NME7: variants seen among roughly 807,000 people sequenced by gnomAD.
NME7 encodes the protein nucleoside diphosphate kinase 7.
NME7 carries 41 observed loss-of-function variants against 49.1 expected under a neutral mutation model. The ratio of observed to expected loss-of-function variants is 0.83; its 90% CI spans 0.65 to 1.08. The LOEUF (loss-of-function observed/expected upper bound fraction) is 1.08. Among genes scored for constraint, NME7 ranks in the 50% least tolerant of loss-of-function variants. The pLI is 0.00. For missense variants in NME7, 423 were observed against 463.4 expected (o/e 0.91, Z 0.80); for synonymous variants, 139 against 150.6 (o/e 0.92, Z 0.56).
chr1:169,172,288 C>CA (rs58058889), intron 10 of NME7, among the ~76,000 whole-genome samples: 58 of 120,336 alleles, frequency 4.8e-4, no homozygotes, highest in East Asian at 1.6e-3. Context: ...TAAAAAAAAA[C>CA]AAAAAAAAAA....
At chr1:169,354,164 A>G (rs1260314965) in intron 1 of NME7, among the ~76,000 whole-genome samples, 1 of 152,272 alleles carries the variant, frequency 6.6e-6, no homozygotes, top group African/African-American at 2.4e-5. Flanking sequence ...CATCTAAAGA[A>G]TGGAAAAGGA....
intron 10 of NME7, among the ~76,000 whole-genome samples, chr1:169,193,597 A>C (rs1231303036): frequency 6.6e-6 from 1 of 152,194 alleles, no homozygotes; most frequent in East Asian, 1.9e-4. Flanking sequence ...TAACATTTGA[A>C]ACTGACAAGC....
chr1:169,196,847 T>A (rs1357551738), intron 10 of NME7, among the ~76,000 whole-genome samples: 1 of 152,158 alleles, frequency 6.6e-6, no homozygotes, highest in Non-Finnish European at 1.5e-5. Flanking sequence ...TAGAATGGTA[T>A]GAAAACTGGA....
intron 10 of NME7, among the ~76,000 whole-genome samples, chr1:169,185,014 C>CT (rs1251958674): frequency 1.1e-4 from 17 of 152,100 alleles, no homozygotes; most frequent in Non-Finnish European, 2.2e-4. Flanking sequence ...ATGCAAAGTG[C>CT]TATAAGGGGA....
intron 1 of NME7, among the ~76,000 whole-genome samples, chr1:169,364,863 C>T (rs1420172456): frequency 6.6e-6 from 1 of 152,088 alleles, no homozygotes; most frequent in Non-Finnish European, 1.5e-5. Context: ...ATGGGAGGGA[C>T]CTAAAATCTG....
intron 10 of NME7, among the ~76,000 whole-genome samples, chr1:169,204,688 A>AAGC (rs1326117870): frequency 2.0e-5 from 3 of 152,018 alleles, no homozygotes; most frequent in African/African-American, 7.3e-5. Context: ...ATCTCTCTTA[A>AAGC]AGCATTTATC....
chr1:169,263,673 A>G (rs1649231445), intron 7 of NME7, among the ~76,000 whole-genome samples: 1 of 133,844 alleles, frequency 7.5e-6, no homozygotes, highest in Non-Finnish European at 1.8e-5. Context: ...CAAGTTGAAA[A>G]ACATATTTCA....
chr1:169,258,403 T>TACACACAC (rs1381228474), intron 7 of NME7, among the ~76,000 whole-genome samples: 6 of 68,668 alleles, frequency 8.7e-5, no homozygotes, highest in African/African-American at 3.4e-4. Flanking sequence ...TATATATATA[T>TACACACAC]ATACACACAC....
chr1:169,219,388 T>C (rs1011396254), intron 10 of NME7, among the ~76,000 whole-genome samples: 2 of 152,212 alleles, frequency 1.3e-5, no homozygotes, highest in African/African-American at 2.4e-5. Context: ...TAAGTAGTAA[T>C]AGTAATCTGG....
chr1:169,166,569 T>C (rs75373563), intron 11 of NME7, among the ~76,000 whole-genome samples: 2,208 of 152,316 alleles, frequency 0.014, 47 homozygotes, highest in African/African-American at 0.048. Flanking sequence ...AGAAACTCAC[T>C]ATTACAGATA....
chr1:169,220,038 C>G (rs928772086), intron 10 of NME7, among the ~76,000 whole-genome samples: 1 of 152,112 alleles, frequency 6.6e-6, no homozygotes, highest in African/African-American at 2.4e-5. Context: ...TTTCACAAAT[C>G]ATGAGTTTGA....
chr1:169,194,034 C>A (rs1557982465), intron 10 of NME7, among the ~76,000 whole-genome samples: 2 of 151,420 alleles, frequency 1.3e-5, no homozygotes, highest in Non-Finnish European at 2.9e-5. Flanking sequence ...TTCAGATAAA[C>A]ATACTGAAAA....
At chr1:169,268,432 T>C (rs1223321676) in intron 7 of NME7, among the ~76,000 whole-genome samples, 4 of 133,830 alleles carry the variant, frequency 3.0e-5, no homozygotes, top group African/African-American at 1.0e-4. Flanking sequence ...AGCAATCCCA[T>C]TACTGGGTAC....
Position 169,136,265 on chromosome 1 carries a change from C to T in NME7, c.1099-3448G>A, listed in dbSNP as rs145213624. Among the ~76,000 whole-genome samples the T allele has an allele frequency of 5.9e-5, 9 of 152,232 alleles. No individual in the cohort carries two copies. In the East Asian group the frequency reaches 1.7e-3, roughly 29 times the overall value. On this transcript the variant is annotated intron_variant, in intron 11 of 11. Transcript: ENST00000367811. ...AATAACCAGCAGGTAAAGATTAGGC[C>T]TTGGGGAGGTTCTGATGAGTCTGCT... is the stretch of plus-strand genomic sequence containing the variant.
At chr1:169,143,372 C>G (rs1013105411) in intron 11 of NME7, among the ~76,000 whole-genome samples, 4 of 147,910 alleles carry the variant, frequency 2.7e-5, no homozygotes, top group Non-Finnish European at 5.9e-5. Flanking sequence ...GCTATTTTCT[C>G]GGCCTGGAGT....
intron 1 of NME7, among the ~76,000 whole-genome samples, chr1:169,363,506 T>C (rs937192050): frequency 6.6e-6 from 1 of 152,178 alleles, no homozygotes; most frequent in African/African-American, 2.4e-5. Flanking sequence ...TAATGAGTCA[T>C]CAGGTACAGT....
chr1:169,291,360 T>C (rs1048407626), intron 6 of NME7, among the ~76,000 whole-genome samples: 10 of 152,190 alleles, frequency 6.6e-5, no homozygotes, highest in African/African-American at 2.4e-4. Flanking sequence ...GTCCTTTGCA[T>C]GGACATGGAT....
intron 10 of NME7, among the ~76,000 whole-genome samples, chr1:169,218,981 T>C (rs1177998838): frequency 1.3e-5 from 2 of 152,176 alleles, no homozygotes; most frequent in East Asian, 3.9e-4. Context: ...CAGACTTTCC[T>C]TAGGGAAACT....
At chr1:169,341,473 ATG>A (rs997214614) in intron 1 of NME7, among the ~76,000 whole-genome samples, 2 of 152,186 alleles carry the variant, frequency 1.3e-5, no homozygotes, top group Non-Finnish European at 2.9e-5. Context: ...CAGAGGGAAA[ATG>A]TGGGGTCAGG....
Sources: allele counts gnomAD v4.1 joint callset (sites outside exome capture counted in the v4.1 genomes callset), GRCh38; gene constraint gnomAD v4.1.1; transcripts MANE v1.5; gene names NCBI Gene and HGNC (gene_info 2026-07-23, HGNC 2026-07-21).